SNRNP40: variants seen among roughly 807,000 people sequenced by gnomAD.
SNRNP40 encodes the protein U5 small nuclear ribonucleoprotein 40 kDa protein.
In SNRNP40, 21 loss-of-function variants were observed where a neutral mutation model predicts 45.8. The observed-to-expected ratio is 0.46, with a 90% CI of 0.32 to 0.66. SNRNP40 has a LOEUF of 0.66. Among genes scored for constraint, SNRNP40 ranks in the 30% least tolerant of loss-of-function variants. SNRNP40 has a pLI of 0.03. For missense variants in SNRNP40, 344 were observed against 439.1 expected (o/e 0.78, Z 1.94); for synonymous variants, 142 against 163.8 (o/e 0.87, Z 1.01).
rs559578415 is a variant in SNRNP40, at chr1:31,291,179, T to G, written c.365+734A>C. Among the ~76,000 whole-genome samples, 7 of 151,318 alleles carry G rather than the reference T, an allele frequency of 4.6e-5. No homozygotes were observed. The East Asian group carries it at 1.4e-3, about 30-fold the overall frequency. ...GATGCATCCCTGTAATCCCAGCTAT[T>G]CTGGAGGCTGAGGCAAGAGAAACAC... is the stretch of plus-strand genomic sequence containing the variant. On this transcript the variant is annotated intron_variant, in intron 3 of 9. Coordinates refer to ENST00000263694, the MANE Select transcript of SNRNP40 (RefSeq NM_004814.3).
chr1:31,282,110 C>T (rs1474215473), intron 4 of SNRNP40: 1 of 152,208 alleles, frequency 6.6e-6, no homozygotes, highest in Non-Finnish European at 1.5e-5. Context: ...TGTGCTGGCT[C>T]TGTCTCCTGC....
intron 5 of SNRNP40, among the ~76,000 whole-genome samples, chr1:31,280,177 T>C (rs1569656779): frequency 6.6e-6 from 1 of 150,978 alleles, no homozygotes; most frequent in East Asian, 2.0e-4. Flanking sequence ...TTTCTTTTTT[T>C]TTTTGGAGAT....
chr1:31,264,672 G>A (rs1054635121), intron 8 of SNRNP40, among the ~76,000 whole-genome samples: 3 of 152,196 alleles, frequency 2.0e-5, no homozygotes, highest in African/African-American at 7.2e-5. Flanking sequence ...AGAATCTCAT[G>A]AAGTCAATGG....
intron 5 of SNRNP40, 143 bp from the exon 6 acceptor site, chr1:31,271,642 CCTTT>C (rs1213536566): frequency 2.1e-5 from 17 of 800,096 alleles, no homozygotes; most frequent in Non-Finnish European, 2.2e-5. Flanking sequence ...GAGAAAAACA[CCTTT>C]TTTTAATTTT....
chr1:31,283,780 A>G (rs1021191781), intron 4 of SNRNP40, among the ~76,000 whole-genome samples: 1 of 152,258 alleles, frequency 6.6e-6, no homozygotes, highest in African/African-American at 2.4e-5. Flanking sequence ...TATGGTCCAT[A>G]TAGAAGGAAA....
At chr1:31,275,617 C>T (rs553759202) in intron 5 of SNRNP40, among the ~76,000 whole-genome samples, 5 of 152,184 alleles carry the variant, frequency 3.3e-5, no homozygotes, top group African/African-American at 7.2e-5. Context: ...CTGGAACTCC[C>T]GGCCTCAAGT....
chr1:31,295,490 A>G (rs1646141389), intron 1 of SNRNP40, among the ~76,000 whole-genome samples: 1 of 152,258 alleles, frequency 6.6e-6, no homozygotes, highest in Non-Finnish European at 1.5e-5. Context: ...AACCATGTAA[A>G]CATTTGTGAA....
chr1:31,296,354 G>T (rs899107740), intron 1 of SNRNP40, among the ~76,000 whole-genome samples: 10 of 152,092 alleles, frequency 6.6e-5, no homozygotes, highest in Non-Finnish European at 1.0e-4. Flanking sequence ...TCAGGGTTTT[G>T]AGCCCAAGGT....
Position 31,281,700 on chromosome 1 carries a change from C to T in SNRNP40, c.532-204G>A, listed in dbSNP as rs866667929. 13 of 397,382 alleles carry T rather than the reference C, an allele frequency of 3.3e-5. 1 individual carries two copies. The highest frequency in any genetic ancestry group is 2.4e-4 in the African/African-American group (12 of 50,302). 24.6% of individuals were successfully genotyped at this position (397,382 alleles called of 1,614,324 possible). The stretch of plus-strand genomic sequence containing the variant: ...CCAAGACATTTGAAGGCTGGTGAAA[C>T]AAAACTTCGGTTATATTTTCAGACT... On this transcript the variant is annotated intron_variant, in intron 4 of 9. Coordinates refer to ENST00000263694, the MANE Select transcript of SNRNP40 (RefSeq NM_004814.3).
At chr1:31,273,940 C>A (rs906695383) in intron 5 of SNRNP40, among the ~76,000 whole-genome samples, 3 of 151,832 alleles carry the variant, frequency 2.0e-5, no homozygotes, top group Admixed American at 1.3e-4. Flanking sequence ...TGAGCAGGGT[C>A]TGGAAGAAGG....
Position 31,296,725 on chromosome 1 carries a change from GC to G in SNRNP40, c.26del (p.Gly9AlafsTer73). ...TGACTGGAACCAGCGGCAACTCTGG[GC>G]CCTTACGCTTCTGCTGTTCTATCAT... MIEQQKRK[G>X]PELPLVPVKR... On this transcript the variant is annotated frameshift_variant, in exon 1 of 10. Transcript: ENST00000263694. LOFTEE classifies it high-confidence loss of function. 6.2e-7 allele frequency: 1 copy of G among 1,612,454 alleles called. No homozygotes were observed. Among genetic ancestry groups the G allele is most frequent in the Non-Finnish European group, 8.5e-7 (1 of 1,179,338 alleles).
At chr1:31,269,301 G>A in intron 6 of SNRNP40, 61 bp from the exon 7 acceptor site, 1 of 1,597,936 alleles carries the variant, frequency 6.3e-7, no homozygotes, top group Middle Eastern at 1.7e-4. Flanking sequence ...AGGCCTCCTG[G>A]GCACCCAGCT....
intron 5 of SNRNP40, among the ~76,000 whole-genome samples, chr1:31,278,536 C>T (rs1645991939): frequency 1.3e-5 from 2 of 152,192 alleles, no homozygotes; most frequent in Non-Finnish European, 2.9e-5. Flanking sequence ...TACAAGAAGT[C>T]TTCTAGTGAT....
At chr1:31,274,251 T>G (rs929418994) in intron 5 of SNRNP40, among the ~76,000 whole-genome samples, 3 of 151,764 alleles carry the variant, frequency 2.0e-5, no homozygotes, top group African/African-American at 7.3e-5. Flanking sequence ...ATTAACTGAT[T>G]GATTGAGACC....
chr1:31,264,178 C>CTT (rs1242746699), intron 8 of SNRNP40, among the ~76,000 whole-genome samples: 1 of 152,172 alleles, frequency 6.6e-6, no homozygotes, highest in Non-Finnish European at 1.5e-5. Context: ...CCAACTTACA[C>CTT]TTTTGGTCAA....
chr1:31,272,228 T>A (rs2377863), intron 5 of SNRNP40, among the ~76,000 whole-genome samples: 150,268 of 152,310 alleles, frequency 0.99, 74,159 homozygotes, highest in Middle Eastern at 1. Flanking sequence ...AAAATTTTTC[T>A]TTTAATGTAA....
intron 7 of SNRNP40, among the ~76,000 whole-genome samples, chr1:31,268,485 C>T (rs1645914882): frequency 6.6e-6 from 1 of 152,000 alleles, no homozygotes; most frequent in Admixed American, 6.6e-5. Context: ...TACTATGTTG[C>T]CCTGGCTGGT....
intron 4 of SNRNP40, among the ~76,000 whole-genome samples, chr1:31,287,354 T>C (rs1408334711): frequency 6.6e-6 from 1 of 152,094 alleles, no homozygotes; most frequent in Non-Finnish European, 1.5e-5. Flanking sequence ...ACTTGAGTAA[T>C]AAGGTAAAAA....
intron 5 of SNRNP40, among the ~76,000 whole-genome samples, chr1:31,280,508 G>A (rs190995899): frequency 6.6e-6 from 1 of 152,018 alleles, no homozygotes; most frequent in Admixed American, 6.6e-5. Flanking sequence ...GAAACAATGA[G>A]GGATGGAAAT....
Sources: allele counts gnomAD v4.1 joint callset (sites outside exome capture counted in the v4.1 genomes callset), GRCh38; gene constraint gnomAD v4.1.1; transcripts MANE v1.5; gene names NCBI Gene and HGNC (gene_info 2026-07-23, HGNC 2026-07-21).